Variants in LRRTM4 observed in about 807,000 individuals in gnomAD.
LRRTM4 encodes the protein leucine-rich repeat transmembrane neuronal protein 4.
A neutral mutation model predicts 47.6 loss-of-function variants in LRRTM4; 25 were observed. The observed-to-expected ratio is 0.53, with a 90% CI of 0.38 to 0.73. LRRTM4 has a LOEUF of 0.73. Ranked by LOEUF, LRRTM4 falls within the 30% of genes least tolerant of loss-of-function variation. LRRTM4 has a pLI of 0.00. For synonymous variants in LRRTM4, 311 were observed against 269.5 expected, an observed-to-expected ratio of 1.15 and a Z score of -1.51; for missense variants, 638 against 713.4, an observed-to-expected ratio of 0.89 and a Z score of 1.20.
At chr2:76,788,992 C>T (rs549875509) in intron 3 of LRRTM4, among the ~76,000 whole-genome samples, 8 of 152,300 alleles carry the variant, frequency 5.3e-5, no homozygotes, top group African/African-American at 1.9e-4. Context: ...AGACATAAAA[C>T]TTACACTGAG....
intron 3 of LRRTM4, among the ~76,000 whole-genome samples, chr2:77,305,981 T>G (rs1421108165): frequency 6.6e-6 from 1 of 152,140 alleles, no homozygotes; most frequent in Admixed American, 6.5e-5. Flanking sequence ...CAACCCACAC[T>G]TCACTTAAAT....
intron 3 of LRRTM4, among the ~76,000 whole-genome samples, chr2:77,229,214 A>G (rs1001205346): frequency 6.6e-6 from 1 of 152,030 alleles, no homozygotes; most frequent in Non-Finnish European, 1.5e-5. Context: ...AGAATGTCCT[A>G]GTTTTTGGTC....
chr2:76,869,984 C>A (rs1339983970), intron 3 of LRRTM4, among the ~76,000 whole-genome samples: 1 of 152,054 alleles, frequency 6.6e-6, no homozygotes, highest in Non-Finnish European at 1.5e-5. Context: ...ACAACATAAA[C>A]ATAAAGGAAA....
chr2:77,225,395 A>G (rs1255035676), intron 3 of LRRTM4, among the ~76,000 whole-genome samples: 3 of 150,442 alleles, frequency 2.0e-5, no homozygotes, highest in Non-Finnish European at 4.4e-5. Context: ...ACCCATAACT[A>G]GTGTATGCGG....
intron 3 of LRRTM4, among the ~76,000 whole-genome samples, chr2:76,974,199 T>TACATATATATACATACATATATATAC (rs1233307114): frequency 5.3e-5 from 5 of 94,806 alleles, no homozygotes; most frequent in South Asian, 7.8e-4. Flanking sequence ...TATATATACA[T>TACATATATATACATACATATATATAC]ATATATATAT....
At chr2:77,009,904 T>C (rs1353093055) in intron 3 of LRRTM4, 1 of 152,006 alleles carries the variant, frequency 6.6e-6, no homozygotes, top group Non-Finnish European at 1.5e-5. Context: ...CACTTTTATT[T>C]TGCTCAGGAC....
At chr2:76,861,925 G>C (rs1245974069) in intron 3 of LRRTM4, among the ~76,000 whole-genome samples, 1 of 152,124 alleles carries the variant, frequency 6.6e-6, no homozygotes, top group Non-Finnish European at 1.5e-5. Flanking sequence ...TGTGGTCTTT[G>C]TAGGGCCCAA....
At chr2:76,767,668 ACT>A (rs1673510605) in intron 3 of LRRTM4, among the ~76,000 whole-genome samples, 1 of 151,082 alleles carries the variant, frequency 6.6e-6, no homozygotes, top group African/African-American at 2.5e-5. Context: ...CCATGCTCCC[ACT>A]CTGCATAGCA....
chr2:77,012,088 G>A (rs1041393476), intron 3 of LRRTM4, among the ~76,000 whole-genome samples: 4 of 152,004 alleles, frequency 2.6e-5, no homozygotes, highest in Admixed American at 6.6e-5. Flanking sequence ...CACGCAAAAT[G>A]TTGTCTGTGG....
At chr2:76,884,225 A>G (rs1368550664) in intron 3 of LRRTM4, among the ~76,000 whole-genome samples, 1 of 152,218 alleles carries the variant, frequency 6.6e-6, no homozygotes, top group Non-Finnish European at 1.5e-5. Context: ...TATGAAGGAG[A>G]TATTTCCAAA....
intron 3 of LRRTM4, among the ~76,000 whole-genome samples, chr2:77,399,994 G>A (rs567617088): frequency 0.013 from 1,954 of 151,838 alleles, 19 homozygotes; most frequent in Non-Finnish European, 0.02. Flanking sequence ...TGAAATGGCA[G>A]GCTAGCAGTC....
intron 3 of LRRTM4, among the ~76,000 whole-genome samples, chr2:77,337,136 T>C (rs1412995473): frequency 6.6e-6 from 1 of 152,108 alleles, no homozygotes; most frequent in South Asian, 2.1e-4. Flanking sequence ...ACAAAAATAA[T>C]AAAATACCTA....
At chr2:76,917,032 G>A (rs1319410767) in intron 3 of LRRTM4, among the ~76,000 whole-genome samples, 2 of 152,094 alleles carry the variant, frequency 1.3e-5, no homozygotes, top group Non-Finnish European at 2.9e-5. Flanking sequence ...CATTTTGTAG[G>A]TGCCCTTTGT....
intron 3 of LRRTM4, among the ~76,000 whole-genome samples, chr2:77,304,005 T>A (rs1677207028): frequency 6.6e-6 from 1 of 152,200 alleles, no homozygotes; most frequent in South Asian, 2.1e-4. Flanking sequence ...ATGATCATTT[T>A]ATTTTTAACT....
chr2:77,434,499 T>C (rs1010871083), intron 3 of LRRTM4, among the ~76,000 whole-genome samples: 2 of 152,106 alleles, frequency 1.3e-5, no homozygotes, highest in African/African-American at 2.4e-5. Context: ...GCTAATTTTC[T>C]TTTAAAAACA....
At chr2:76,990,421 T>C (rs549065269) in intron 3 of LRRTM4, among the ~76,000 whole-genome samples, 68 of 151,762 alleles carry the variant, frequency 4.5e-4, no homozygotes, top group African/African-American at 1.4e-3. Context: ...ATCTCCTATG[T>C]AATAACACAC....
chr2:76,888,281 T>C (rs1443715958), intron 3 of LRRTM4, among the ~76,000 whole-genome samples: 4 of 151,358 alleles, frequency 2.6e-5, no homozygotes, highest in Non-Finnish European at 5.9e-5. Context: ...ATTTCTATAA[T>C]GGTATACTAA....
At chr2:76,903,891 T>G (rs924025338) in intron 3 of LRRTM4, among the ~76,000 whole-genome samples, 11 of 152,226 alleles carry the variant, frequency 7.2e-5, no homozygotes, top group African/African-American at 2.7e-4. Flanking sequence ...GAACCCTTGA[T>G]GGACAGAATA....
chr2:76,994,732 GA>G (rs1677139200), intron 3 of LRRTM4, among the ~76,000 whole-genome samples: 1 of 151,932 alleles, frequency 6.6e-6, no homozygotes, highest in African/African-American at 2.4e-5. Context: ...TTTATCTCAT[GA>G]TTTTATGAAC....
Sources: gnomAD v4.1 joint callset for allele counts (sites outside exome capture counted in the v4.1 genomes callset) on GRCh38, gnomAD v4.1.1 for gene constraint, MANE v1.5 for transcripts, NCBI Gene and HGNC (gene_info 2026-07-23, HGNC 2026-07-21) for gene names.